The following NEGR1 variants were observed in gnomAD, a reference collection of about 807,000 sequenced individuals.
The protein encoded by NEGR1 is IgLON family member 4.
Under a neutral mutation model 40.9 loss-of-function variants are expected in NEGR1, and 10 were observed. That is an observed-to-expected ratio of 0.24 (90% confidence interval 0.15 to 0.42). The LOEUF (loss-of-function observed/expected upper bound fraction) is 0.42, where lower values mean the gene tolerates loss of function less well. Ranked by LOEUF, NEGR1 falls within the 10% of genes least tolerant of loss-of-function variation. The probability of loss-of-function intolerance (pLI) is 1.00; values close to 1 mark genes in which losing one functional copy is unlikely to be tolerated. For missense variants in NEGR1, 352 were observed against 438.9 expected, an observed-to-expected ratio of 0.80 and a Z score of 1.77; for synonymous variants, 185 against 166.8, an observed-to-expected ratio of 1.11 and a Z score of -0.84.
intron 6 of NEGR1, chr1:71,489,923 A>C (rs959155882): frequency 6.6e-6 from 1 of 151,984 alleles, no homozygotes; most frequent in African/African-American, 2.4e-5. Flanking sequence ...AGAGAAAAAA[A>C]GTCCTTCCCC....
At chr1:71,673,525 T>C (rs1365875249) in intron 4 of NEGR1, among the ~76,000 whole-genome samples, 1 of 152,064 alleles carries the variant, frequency 6.6e-6, no homozygotes, top group Non-Finnish European at 1.5e-5. Context: ...TAATAAAGCA[T>C]TATAGGATCT....
intron 1 of NEGR1, among the ~76,000 whole-genome samples, chr1:72,201,580 C>T (rs947814855): frequency 6.6e-5 from 10 of 151,712 alleles, no homozygotes; most frequent in African/African-American, 2.2e-4. Flanking sequence ...CATGCAAGGA[C>T]AACTGTGTTG....
At chr1:71,780,040 CAAAAAAAAAAAAAAAA>C (rs57576840) in intron 2 of NEGR1, among the ~76,000 whole-genome samples, 3 of 99,734 alleles carry the variant, frequency 3.0e-5, no homozygotes, top group Admixed American at 2.4e-4. Flanking sequence ...ATAGGAAAAC[CAAAAAAAAAAAAAAAA>C]AAAAAAAAAA....
At chr1:71,962,283 G>A (rs761736711) in intron 1 of NEGR1, among the ~76,000 whole-genome samples, 13 of 151,934 alleles carry the variant, frequency 8.6e-5, no homozygotes, top group African/African-American at 1.9e-4. Context: ...ATTTCTTTTC[G>A]GTTTTACACA....
intron 6 of NEGR1, among the ~76,000 whole-genome samples, chr1:71,556,176 T>C (rs564331690): frequency 1.3e-5 from 2 of 151,710 alleles, no homozygotes; most frequent in South Asian, 4.1e-4. Context: ...CAAACTTTAA[T>C]GCACAATAGC....
Position 71,401,977 on chromosome 1 carries a change from A to T in NEGR1, c.*5469T>A, listed in dbSNP as rs561551313. ...AGGTATTGGAAAATACAAGGATGTC[A>T]TAAATATCTATATTTATATTTAAAA... On this transcript the variant is annotated 3_prime_UTR_variant, in exon 7 of 7. Transcript: ENST00000357731. The T allele has an allele frequency of 6.0e-4, 92 of 152,192 alleles. No homozygotes were observed. Among genetic ancestry groups the T allele is most frequent in the African/African-American group, 2.1e-3 (88 of 41,554 alleles). 9.4% of individuals were successfully genotyped at this position (152,192 alleles called of 1,614,324 possible). A position where few individuals can be genotyped will look rare whatever the true frequency, so the allele number is the denominator to read the frequency against.
At chr1:72,150,729 G>T (rs1396625332) in intron 1 of NEGR1, among the ~76,000 whole-genome samples, 1 of 151,904 alleles carries the variant, frequency 6.6e-6, no homozygotes, top group Non-Finnish European at 1.5e-5. Context: ...TGAATTTTAG[G>T]TTTTTAAAAT....
chr1:72,081,479 T>C (rs984321843), intron 1 of NEGR1, among the ~76,000 whole-genome samples: 2 of 152,138 alleles, frequency 1.3e-5, no homozygotes, highest in African/African-American at 4.8e-5. Context: ...CTCCCTGTAA[T>C]TTTCCTTCTT....
At chr1:72,156,115 G>A (rs1432495626) in intron 1 of NEGR1, among the ~76,000 whole-genome samples, 1 of 138,614 alleles carries the variant, frequency 7.2e-6, no homozygotes, top group East Asian at 1.9e-4. Flanking sequence ...TGGAAGAACG[G>A]TACTATATTA....
chr1:71,981,600 C>T (rs1189766997), intron 1 of NEGR1, among the ~76,000 whole-genome samples: 1 of 152,044 alleles, frequency 6.6e-6, no homozygotes, highest in Admixed American at 6.6e-5. Flanking sequence ...CAGAGAACAA[C>T]AGAGGAGAAA....
chr1:71,701,012 T>A (rs1244745959), intron 3 of NEGR1, among the ~76,000 whole-genome samples: 1 of 151,928 alleles, frequency 6.6e-6, no homozygotes, highest in Non-Finnish European at 1.5e-5. Context: ...AAAATGTCCC[T>A]CAGCTGACAA....
At chr1:71,762,997 C>T (rs985018893) in intron 3 of NEGR1, among the ~76,000 whole-genome samples, 2 of 151,432 alleles carry the variant, frequency 1.3e-5, no homozygotes, top group African/African-American at 4.9e-5. Context: ...CTTAGAACAC[C>T]AGGAAGGAAG....
intron 2 of NEGR1, among the ~76,000 whole-genome samples, chr1:71,850,678 C>T (rs1004861863): frequency 1.9e-4 from 29 of 151,798 alleles, no homozygotes; most frequent in African/African-American, 6.8e-4. Context: ...TTTTGTTTTT[C>T]TTGTTAACTT....
intron 3 of NEGR1, among the ~76,000 whole-genome samples, chr1:71,743,261 A>G (rs1229085100): frequency 1.3e-5 from 2 of 152,226 alleles, no homozygotes; most frequent in East Asian, 1.9e-4. Flanking sequence ...GTAATACAGA[A>G]TATTTTTCTT....
In NEGR1 at chr1:71,711,920, C is replaced by T. The variant is rs182219793; in HGVS notation, c.536-13781G>A. On this transcript the variant is annotated intron_variant, in intron 3 of 6. Coordinates refer to ENST00000357731, the MANE Select transcript of NEGR1 (RefSeq NM_173808.3). ...ACACATGCACAAAATAAAATAGATT[C>T]AAAAGGCTATATATTGTATGATTTA... Among the ~76,000 whole-genome samples the T allele has an allele frequency of 4.9e-4, 74 of 152,020 alleles. No individual in the cohort carries two copies. The East Asian group carries it at 0.011, about 22-fold the overall frequency.
At chr1:72,238,177 G>A (rs1194269) in intron 1 of NEGR1, among the ~76,000 whole-genome samples, 66,944 of 151,476 alleles carry the variant, frequency 0.44, 15,187 homozygotes, top group Non-Finnish European at 0.48. Flanking sequence ...GGATTTTCTT[G>A]TATCTTCCTC....
intron 1 of NEGR1, among the ~76,000 whole-genome samples, chr1:72,206,954 C>T (rs560456890): frequency 6.6e-5 from 10 of 150,420 alleles, no homozygotes; most frequent in African/African-American, 2.0e-4. Flanking sequence ...ACAGAGAAGA[C>T]AAATTTACAT....
chr1:71,990,963 C>T (rs1646445796), intron 1 of NEGR1, among the ~76,000 whole-genome samples: 1 of 150,926 alleles, frequency 6.6e-6, no homozygotes, highest in Admixed American at 6.6e-5. Flanking sequence ...ACCACAAATT[C>T]ACTGTGTCCA....
chr1:71,718,160 C>G (rs780245037), intron 3 of NEGR1, among the ~76,000 whole-genome samples: 33 of 152,138 alleles, frequency 2.2e-4, no homozygotes, highest in Admixed American at 3.3e-4. Flanking sequence ...TTGTCCCTGT[C>G]CTAATCTCAT....
Sources: allele counts gnomAD v4.1 joint callset (sites outside exome capture counted in the v4.1 genomes callset), GRCh38; gene constraint gnomAD v4.1.1; transcripts MANE v1.5; gene names NCBI Gene and HGNC (gene_info 2026-07-23, HGNC 2026-07-21).